The following SH3D19 variants were observed in gnomAD, a reference collection of about 807,000 sequenced individuals.
The protein encoded by SH3D19 is SH3 domain containing 19.
In SH3D19, 58 loss-of-function variants were observed where a neutral mutation model predicts 112.1. The ratio of observed to expected loss-of-function variants is 0.52; its 90% CI spans 0.42 to 0.64. SH3D19 has a LOEUF of 0.64. Among genes scored for constraint, SH3D19 ranks in the 30% least tolerant of loss-of-function variants. The pLI, the probability that SH3D19 is intolerant of heterozygous loss-of-function variation, is 0.00. For missense variants in SH3D19, 1,090 were observed against 1,263.4 expected (o/e 0.86, Z 2.08); for synonymous variants, 391 against 448.5 (o/e 0.87, Z 1.62).
chr4:151,151,661 A>G lies in SH3D19; in HGVS notation c.1756-2100T>C, dbSNP rs548798996. 4.6e-5 allele frequency among the ~76,000 whole-genome samples: 7 copies of G among 152,352 alleles called. No homozygotes were observed. The South Asian group carries it at 1.4e-3, about 32-fold the overall frequency. On this transcript the variant is annotated intron_variant, in intron 9 of 19. Transcript: ENST00000604030. ...CTTGGTTTCACTAATGAGTTCAGTT[A>G]ATGTAGTGAAGCAAGTAACCAGCTC... is the stretch of plus-strand genomic sequence containing the variant.
At chr4:151,216,161 C>T (rs190199528) in intron 2 of SH3D19, among the ~76,000 whole-genome samples, 207 of 152,232 alleles carry the variant, frequency 1.4e-3, no homozygotes, top group Non-Finnish European at 2.0e-3. Context: ...GACTGAATTC[C>T]GATCAACAGC....
chr4:151,164,474 T>C (rs1157289257), intron 8 of SH3D19, among the ~76,000 whole-genome samples: 2 of 152,200 alleles, frequency 1.3e-5, no homozygotes, highest in African/African-American at 4.8e-5. Context: ...GATTTCTTTT[T>C]GAAGTACTTA....
chr4:151,166,510 G>A (rs192021792), intron 7 of SH3D19, among the ~76,000 whole-genome samples: 3 of 148,998 alleles, frequency 2.0e-5, no homozygotes, highest in Admixed American at 2.0e-4. Context: ...TTTTTTTAAT[G>A]GGAAATCTAC....
intron 9 of SH3D19, among the ~76,000 whole-genome samples, chr4:151,154,580 C>T (rs765221601): frequency 6.7e-6 from 1 of 150,212 alleles, no homozygotes. Context: ...CACCCGGCCT[C>T]TTTTCTTTTT....
intron 3 of SH3D19, among the ~76,000 whole-genome samples, chr4:151,180,875 T>G (rs1012394416): frequency 2.0e-5 from 3 of 151,084 alleles, no homozygotes; most frequent in Non-Finnish European, 4.4e-5. Flanking sequence ...GCCATTCTCC[T>G]GCCTCAGCCT....
intron 1 of SH3D19, among the ~76,000 whole-genome samples, chr4:151,226,875 C>G (rs1769094298): frequency 2.0e-5 from 3 of 152,142 alleles, no homozygotes; most frequent in Admixed American, 1.3e-4. Flanking sequence ...ATTAATCAAC[C>G]TTGAGACTAT....
At chr4:151,195,562 G>A (rs1353327887) in intron 2 of SH3D19, among the ~76,000 whole-genome samples, 1 of 151,826 alleles carries the variant, frequency 6.6e-6, no homozygotes, top group African/African-American at 2.4e-5. Flanking sequence ...CTGTGGATAA[G>A]AAAAGAGCTT....
At chr4:151,218,364 A>C (rs1222798173) in intron 2 of SH3D19, among the ~76,000 whole-genome samples, 2 of 152,132 alleles carry the variant, frequency 1.3e-5, no homozygotes, top group Non-Finnish European at 2.9e-5. Flanking sequence ...CATAGGATTC[A>C]AAAAGGTCTC....
At chr4:151,201,730 G>T (rs1580129900) in intron 2 of SH3D19, among the ~76,000 whole-genome samples, 1 of 152,094 alleles carries the variant, frequency 6.6e-6, no homozygotes, top group Non-Finnish European at 1.5e-5. Flanking sequence ...AATAAAATAG[G>T]CCGGGCACAG....
At chr4:151,292,641 A>G (rs1775422000) in intron 1 of SH3D19, among the ~76,000 whole-genome samples, 1 of 152,216 alleles carries the variant, frequency 6.6e-6, no homozygotes, top group Non-Finnish European at 1.5e-5. Context: ...TTTGAACTCA[A>G]TTACAATCAT....
intron 2 of SH3D19, among the ~76,000 whole-genome samples, chr4:151,215,434 A>T (rs1229501854): frequency 6.6e-6 from 1 of 152,256 alleles, no homozygotes; most frequent in Admixed American, 6.5e-5. Flanking sequence ...TTTATAGTTG[A>T]GGGAATGTTT....
intron 1 of SH3D19, among the ~76,000 whole-genome samples, chr4:151,286,994 T>TAAG (rs1406539278): frequency 6.8e-6 from 1 of 146,604 alleles, no homozygotes; most frequent in Non-Finnish European, 1.5e-5. Context: ...ATAATAATAA[T>TAAG]AATAATAATA....
intron 1 of SH3D19, among the ~76,000 whole-genome samples, chr4:151,292,895 GGA>G (rs1362641440): frequency 2.7e-5 from 4 of 150,762 alleles, no homozygotes; most frequent in Non-Finnish European, 5.9e-5. Flanking sequence ...CAAGGAGGGT[GGA>G]TCACTTAAGG....
intron 11 of SH3D19, 129 bp downstream of exon 11, chr4:151,147,793 C>A (rs997981921): frequency 1.6e-6 from 2 of 1,220,022 alleles, no homozygotes; most frequent in African/African-American, 3.0e-5. Context: ...GCCTACTCAT[C>A]TAAAGCACTC....
intron 1 of SH3D19, among the ~76,000 whole-genome samples, chr4:151,274,572 T>A (rs1422904907): frequency 6.6e-6 from 1 of 152,224 alleles, no homozygotes; most frequent in Non-Finnish European, 1.5e-5. Context: ...TGGAATTCGG[T>A]TGAGCCATAT....
intron 1 of SH3D19, among the ~76,000 whole-genome samples, chr4:151,310,113 C>T (rs577484327): frequency 9.9e-5 from 15 of 151,642 alleles, no homozygotes; most frequent in African/African-American, 3.2e-4. Flanking sequence ...GTGGCTCACG[C>T]CTGTAATCCC....
At chr4:151,291,495 C>A in intron 1 of SH3D19, 1 of 1,346,494 alleles carries the variant, frequency 7.4e-7, no homozygotes, top group Non-Finnish European at 1.0e-6. Context: ...ACTTTATTTA[C>A]AATTTGAAAT....
At chr4:151,146,211 G>C (rs952997722) in intron 11 of SH3D19, among the ~76,000 whole-genome samples, 7 of 152,118 alleles carry the variant, frequency 4.6e-5, no homozygotes, top group African/African-American at 1.4e-4. Context: ...ACACAACATA[G>C]AATTATTAAT....
intron 7 of SH3D19, among the ~76,000 whole-genome samples, chr4:151,167,854 T>C (rs1409109155): frequency 6.7e-6 from 1 of 150,214 alleles, no homozygotes; most frequent in African/African-American, 2.4e-5. Context: ...CGCCCCACCG[T>C]CTGGGAAGTG....
Sources: gnomAD v4.1 joint callset for allele counts (sites outside exome capture counted in the v4.1 genomes callset) on GRCh38, gnomAD v4.1.1 for gene constraint, MANE v1.5 for transcripts, NCBI Gene and HGNC (gene_info 2026-07-23, HGNC 2026-07-21) for gene names.